TAFA4: variants seen among roughly 807,000 people sequenced by gnomAD.
TAFA4 encodes the protein TAFA chemokine like family member 4, also known as chemokine-like protein TAFA-4.
A neutral mutation model predicts 21.1 loss-of-function variants in TAFA4; 20 were observed. That is an observed-to-expected ratio of 0.95 (90% CI 0.67 to 1.38). The LOEUF is 1.38. Among genes scored for constraint, TAFA4 ranks in the 40% most tolerant of loss-of-function variants. The pLI is 0.00. For synonymous variants in TAFA4, 71 were observed against 67.4 expected, an observed-to-expected ratio of 1.05 and a Z score of -0.26; for missense variants, 211 against 180.9, an observed-to-expected ratio of 1.17 and a Z score of -0.95.
intron 1 of TAFA4, among the ~76,000 whole-genome samples, chr3:68,915,357 T>C (rs900765728): frequency 2.0e-5 from 3 of 152,218 alleles, no homozygotes; most frequent in African/African-American, 4.8e-5. Flanking sequence ...TTGTACCACA[T>C]TGAAAAAGTG....
In TAFA4 at chr3:68,901,892, C is replaced by A. The variant is rs113699979; in HGVS notation, c.-122-16582G>T. 3.0e-3 allele frequency among the ~76,000 whole-genome samples: 462 copies of A among 152,300 alleles called. 1 individual carries two copies. The highest frequency in any genetic ancestry group is 0.01 in the African/African-American group (427 of 41,564). ...GGGCAAATCATTAGACCTCTCTGAA[C>A]CTCAAGCTCTTTATCTGAAAATAGA... On this transcript the variant is annotated intron_variant, in intron 1 of 5. Coordinates refer to ENST00000295569, the MANE Select transcript of TAFA4 (RefSeq NM_182522.5).
chr3:68,760,972 T>A (rs1192392501), intron 3 of TAFA4, among the ~76,000 whole-genome samples: 1 of 152,188 alleles, frequency 6.6e-6, no homozygotes, highest in Non-Finnish European at 1.5e-5. Context: ...CCCTGTGGTC[T>A]CAAAAAGTAG....
chr3:68,775,504 C>T (rs1357718582), intron 3 of TAFA4, among the ~76,000 whole-genome samples: 1 of 152,168 alleles, frequency 6.6e-6, no homozygotes, highest in East Asian at 1.9e-4. Flanking sequence ...AACAGTACCC[C>T]TGTTCCCAAC....
At chr3:68,915,017 G>A (rs2107011516) in intron 1 of TAFA4, among the ~76,000 whole-genome samples, 1 of 152,136 alleles carries the variant, frequency 6.6e-6, no homozygotes, top group Non-Finnish European at 1.5e-5. Flanking sequence ...GAGTTCATGG[G>A]GCCACAAAGT....
chr3:68,770,879 T>C lies in TAFA4; in HGVS notation c.131-17861A>G, dbSNP rs148922316. 8.8e-3 allele frequency among the ~76,000 whole-genome samples: 1,335 copies of C among 152,272 alleles called. 21 individuals are homozygous for C. Among genetic ancestry groups the C allele is most frequent in the African/African-American group, 0.031 (1,290 of 41,556 alleles). ...CATTTCTGTTTTTGTGCCCAAAAAG[T>C]TGCCTTTTGGCCTGCCATACTCCCA... On this transcript the variant is annotated intron_variant, in intron 3 of 5. Coordinates refer to ENST00000295569, the MANE Select transcript of TAFA4 (RefSeq NM_182522.5).
Position 68,752,980 on chromosome 3 carries a change from C to T in TAFA4, c.169G>A (p.Ala57Thr), listed in dbSNP as rs773606490. 9.9e-6 allele frequency: 16 copies of T among 1,613,658 alleles called. No individual in the cohort carries two copies. The Admixed American group carries it at 1.2e-4, about 12-fold the overall frequency. The change falls in exon 4 of 6, where the codon GCC becomes ACC. Residue 57 changes from alanine to threonine, a missense_variant. Transcript: ENST00000295569. Reference protein sequence around the residue: ...QIKQGTCEVVAVHRCCNKNRI... With the variant: ...QIKQGTCEVVTVHRCCNKNRI... Reference sequence around the variant, plus strand: ...TTCTTATTGCAGCACCTGTGCACGGCGACCACCTCACAGGTCCCTTGCTTG... The same window carrying T: ...TTCTTATTGCAGCACCTGTGCACGGTGACCACCTCACAGGTCCCTTGCTTG...
At chr3:68,774,228 C>T (rs574799732) in intron 3 of TAFA4, among the ~76,000 whole-genome samples, 3 of 152,206 alleles carry the variant, frequency 2.0e-5, no homozygotes, top group South Asian at 2.1e-4. Context: ...AATTTATAAA[C>T]AAGGCCAAAT....
chr3:68,802,813 A>G (rs755776336), intron 3 of TAFA4, among the ~76,000 whole-genome samples: 1 of 152,238 alleles, frequency 6.6e-6, no homozygotes, highest in Non-Finnish European at 1.5e-5. Flanking sequence ...TGTAGAATTA[A>G]TGCATATAGC....
chr3:68,779,962 G>A (rs979509872), intron 3 of TAFA4, among the ~76,000 whole-genome samples: 4 of 152,214 alleles, frequency 2.6e-5, no homozygotes, highest in Non-Finnish European at 4.4e-5. Flanking sequence ...GCTACACCCT[G>A]AAAAGCCACA....
At chr3:68,915,885 A>C (rs921961986) in intron 1 of TAFA4, among the ~76,000 whole-genome samples, 6 of 152,338 alleles carry the variant, frequency 3.9e-5, no homozygotes, top group African/African-American at 1.4e-4. Flanking sequence ...AAAATTTATA[A>C]GAGAAATTTC....
intron 4 of TAFA4, among the ~76,000 whole-genome samples, chr3:68,744,072 A>C (rs962840757): frequency 3.3e-5 from 5 of 152,216 alleles, no homozygotes; most frequent in Non-Finnish European, 7.3e-5. Flanking sequence ...ATAGAATTAG[A>C]GCTGAATTTA....
At chr3:68,750,689 T>A (rs1278874203) in intron 4 of TAFA4, among the ~76,000 whole-genome samples, 1 of 152,228 alleles carries the variant, frequency 6.6e-6, no homozygotes, top group Non-Finnish European at 1.5e-5. Context: ...ATACTAATAG[T>A]CATCACTGCC....
chr3:68,850,021 GT>G (rs899127229), intron 3 of TAFA4, among the ~76,000 whole-genome samples: 1 of 152,158 alleles, frequency 6.6e-6, no homozygotes, highest in Non-Finnish European at 1.5e-5. Flanking sequence ...CACAGTCAAG[GT>G]TTTTGGCTTG....
At chr3:68,780,414 A>G (rs1301066612) in intron 3 of TAFA4, among the ~76,000 whole-genome samples, 1 of 152,182 alleles carries the variant, frequency 6.6e-6, no homozygotes, top group East Asian at 1.9e-4. Flanking sequence ...CCCATATCTC[A>G]TCTTCAATTC....
intron 1 of TAFA4, among the ~76,000 whole-genome samples, chr3:68,910,642 T>A (rs1001810442): frequency 6.6e-6 from 1 of 152,264 alleles, no homozygotes; most frequent in Non-Finnish European, 1.5e-5. Context: ...CAAATTTGAA[T>A]GCCCAGACTT....
intron 3 of TAFA4, among the ~76,000 whole-genome samples, chr3:68,777,349 A>G (rs1249039643): frequency 2.0e-5 from 3 of 152,106 alleles, no homozygotes; most frequent in Non-Finnish European, 4.4e-5. Flanking sequence ...CTGTCCAAGA[A>G]AACATTCTGT....
chr3:68,930,990 A>G (rs1370766220), intron 1 of TAFA4, among the ~76,000 whole-genome samples: 1 of 152,114 alleles, frequency 6.6e-6, no homozygotes, highest in Non-Finnish European at 1.5e-5. Flanking sequence ...CTCCTCAGCG[A>G]GTGTTCTAGA....
At chr3:68,837,017 C>T (rs145575172) in intron 3 of TAFA4, among the ~76,000 whole-genome samples, 2 of 152,216 alleles carry the variant, frequency 1.3e-5, no homozygotes, top group Admixed American at 1.3e-4. Flanking sequence ...ATCCAACTGG[C>T]CATTTGTTTG....
chr3:68,756,278 A>G (rs142864417), intron 3 of TAFA4, among the ~76,000 whole-genome samples: 13 of 152,322 alleles, frequency 8.5e-5, no homozygotes, highest in African/African-American at 3.1e-4. Flanking sequence ...GAGACTGTAG[A>G]GGTTCTGTTC....
Sources: allele counts gnomAD v4.1 joint callset (sites outside exome capture counted in the v4.1 genomes callset), GRCh38; gene constraint gnomAD v4.1.1; transcripts MANE v1.5; gene names NCBI Gene and HGNC (gene_info 2026-07-23, HGNC 2026-07-21).